ZNF678: variants seen among roughly 807,000 people sequenced by gnomAD.
ZNF678 encodes zinc finger protein 678.
Under a neutral mutation model 3.0 loss-of-function variants are expected in ZNF678, and 5 were observed. That is an observed-to-expected ratio of 1.69 (90% confidence interval 0.88 to 3.56). The LOEUF (loss-of-function observed/expected upper bound fraction) is 3.56, where lower values mean the gene tolerates loss of function less well. Ranked by LOEUF, ZNF678 falls within the 30% of genes most tolerant of loss-of-function variation. The pLI is 0.00. For missense variants in ZNF678, 593 were observed against 605.0 expected, an observed-to-expected ratio of 0.98 and a Z score of 0.21; for synonymous variants, 218 against 199.6, an observed-to-expected ratio of 1.09 and a Z score of -0.78.
downstream of ZNF678, among the ~76,000 whole-genome samples, chr1:227,664,778 C>T (rs1203467622): frequency 6.6e-6 from 1 of 151,980 alleles, no homozygotes; most frequent in African/African-American, 2.4e-5. Flanking sequence ...AAGGTCACTT[C>T]AGGGTTCTAT....
At position 227,563,656 on chromosome 1, in the gene ZNF678, TC is replaced by T; in HGVS notation, c.-229del. 1.5e-6 allele frequency: 2 copies of T among 1,319,754 alleles called. No homozygotes were observed. The highest frequency in any genetic ancestry group is 2.0e-6 in the Non-Finnish European group (2 of 995,876). The allele number at this position is 1,319,754 out of a possible 1,614,324, so 81.8% of individuals were successfully genotyped here. On this transcript the variant is annotated 5_prime_UTR_variant, in exon 1 of 4. Coordinates refer to ENST00000343776, the MANE Select transcript of ZNF678 (RefSeq NM_001367909.1). ...GACTCTGCTGCTGCAGTGTCTGGTT[TC>T]CCTGTGACCTGCAGGTACTGGGAGT...
intron 3 of ZNF678, among the ~76,000 whole-genome samples, chr1:227,652,327 C>T (rs1315102415): frequency 6.6e-6 from 1 of 152,096 alleles, no homozygotes; most frequent in African/African-American, 2.4e-5. Flanking sequence ...GCCGCTTTGT[C>T]TATTATGCCA....
At chr1:227,574,292 G>C (rs1055361973) in intron 1 of ZNF678, among the ~76,000 whole-genome samples, 36 of 152,174 alleles carry the variant, frequency 2.4e-4, no homozygotes, top group African/African-American at 7.5e-4. Context: ...CCCACCAACA[G>C]TGTATAAGGA....
chr1:227,635,631 A>G (rs748403853), intron 1 of ZNF678, among the ~76,000 whole-genome samples: 1 of 151,614 alleles, frequency 6.6e-6, no homozygotes, highest in Non-Finnish European at 1.5e-5. Context: ...CGTCAGCACC[A>G]AGTGAGGACG....
rs1023077999 is a variant in ZNF678 at position 227,578,250 on chromosome 1, C to T, written c.-164+14526C>T. Among the ~76,000 whole-genome samples the T allele has an allele frequency of 7.9e-5, 12 of 152,010 alleles. 1 individual carries two copies. Among genetic ancestry groups the T allele is most frequent in the African/African-American group, 2.2e-4 (9 of 41,392 alleles). On this transcript the variant is annotated intron_variant, in intron 1 of 3. Coordinates refer to ENST00000343776, the MANE Select transcript of ZNF678 (RefSeq NM_001367909.1). Reference sequence around the variant, plus strand: ...CTTGTTTTGATGTGTCTTACTGGTGCGTTCTGCATTTTTTGAATTTGAATG... The same window carrying T: ...CTTGTTTTGATGTGTCTTACTGGTGTGTTCTGCATTTTTTGAATTTGAATG...
chr1:227,617,583 G>A (rs1658172113), intron 1 of ZNF678, among the ~76,000 whole-genome samples: 1 of 152,128 alleles, frequency 6.6e-6, no homozygotes. Context: ...ATCTCAGTGG[G>A]CAGAAGTTTG....
chr1:227,631,348 C>A (rs1658543368), intron 1 of ZNF678, among the ~76,000 whole-genome samples: 1 of 152,198 alleles, frequency 6.6e-6, no homozygotes, highest in Middle Eastern at 3.2e-3. Context: ...AGAAAGGGGT[C>A]TGGGCTACTG....
rs1258056393 is a variant in ZNF678 at position 227,581,908 on chromosome 1, TG to T, written c.-164+18186del. Among the ~76,000 whole-genome samples, 3 of 152,236 alleles carry T rather than the reference TG, an allele frequency of 2.0e-5. No individual in the cohort carries two copies. In the East Asian group the frequency reaches 5.8e-4, roughly 29 times the overall value. Reference sequence around the variant, plus strand: ...TGAGAGTTTCATTTGTTGTACACCTTGGCAAACATTTCGTATGTTTTCTTTT... The same window carrying T: ...TGAGAGTTTCATTTGTTGTACACCTTGCAAACATTTCGTATGTTTTCTTTT... On this transcript the variant is annotated intron_variant, in intron 1 of 3. Coordinates refer to ENST00000343776, the MANE Select transcript of ZNF678 (RefSeq NM_001367909.1).
chr1:227,620,138 T>C (rs1406597782), intron 1 of ZNF678, among the ~76,000 whole-genome samples: 2 of 152,136 alleles, frequency 1.3e-5, no homozygotes, highest in African/African-American at 4.8e-5. Context: ...CTCATGTTTC[T>C]CTCATTCAGT....
chr1:227,588,991 G>T (rs1331179488), intron 1 of ZNF678, among the ~76,000 whole-genome samples: 1 of 151,204 alleles, frequency 6.6e-6, no homozygotes, highest in Non-Finnish European at 1.5e-5. Context: ...TAATAGGGTT[G>T]TTTTTTTCTT....
chr1:227,596,044 C>T (rs528042401), intron 1 of ZNF678, among the ~76,000 whole-genome samples: 61 of 152,234 alleles, frequency 4.0e-4, no homozygotes, highest in African/African-American at 1.1e-3. Context: ...AGTTCCTTCC[C>T]GGTGTTTAGC....
At chr1:227,607,604 T>C (rs1657906354) in intron 1 of ZNF678, among the ~76,000 whole-genome samples, 1 of 151,090 alleles carries the variant, frequency 6.6e-6, no homozygotes, top group East Asian at 1.9e-4. Context: ...AACACTTACA[T>C]AGCACAGAGT....
chr1:227,640,785 G>T (rs1007629992), intron 1 of ZNF678, among the ~76,000 whole-genome samples: 3 of 152,058 alleles, frequency 2.0e-5, no homozygotes, highest in Non-Finnish European at 4.4e-5. Context: ...CTGTTTTTTG[G>T]AATGGAGGAC....
chr1:227,579,512 T>TA (rs752276345), intron 1 of ZNF678, among the ~76,000 whole-genome samples: 55 of 152,002 alleles, frequency 3.6e-4, no homozygotes, highest in Non-Finnish European at 6.6e-4. Flanking sequence ...GGTGGACAAT[T>TA]AAAGTAAAAC....
chr1:227,670,140 A>G (rs1659575422), intron 5 of ZNF678, among the ~76,000 whole-genome samples: 2 of 152,252 alleles, frequency 1.3e-5, no homozygotes, highest in South Asian at 2.1e-4. Context: ...GTGGAAGATA[A>G]ACAAATAGGC....
chr1:227,638,257 T>C lies in ZNF678; in HGVS notation c.-163-8287T>C, dbSNP rs1455252164. Among the ~76,000 whole-genome samples, 1 of 151,866 alleles carries C rather than the reference T, an allele frequency of 6.6e-6. No individual in the cohort carries two copies. The highest frequency in any genetic ancestry group is 2.4e-5 in the African/African-American group (1 of 41,312). Reference sequence around the variant, plus strand: ...ATCTTTTATGTTTAGAATAGAAAAATGGGTGGTATTGGAGGGAATTGCGGA... The same window carrying C: ...ATCTTTTATGTTTAGAATAGAAAAACGGGTGGTATTGGAGGGAATTGCGGA... On this transcript the variant is annotated intron_variant, in intron 1 of 3. Transcript: ENST00000343776. This position sits in a 1 kb window ranked among gnomAD's most constrained non-coding sequence, Gnocchi z 4.2.
intron 1 of ZNF678, among the ~76,000 whole-genome samples, chr1:227,569,488 G>T (rs1332234269): frequency 6.6e-6 from 1 of 152,094 alleles, no homozygotes; most frequent in East Asian, 1.9e-4. Flanking sequence ...TTGATTAAGA[G>T]CACGCAAAAG....
intron 3 of ZNF678, among the ~76,000 whole-genome samples, chr1:227,653,264 AT>A (rs915977358): frequency 1.7e-4 from 26 of 149,362 alleles, no homozygotes; most frequent in Non-Finnish European, 2.2e-4. Context: ...TTTATTCTTG[AT>A]TTTTTTTTAC....
intron 1 of ZNF678, among the ~76,000 whole-genome samples, chr1:227,595,269 GTC>G (rs148351161): frequency 5.0e-4 from 71 of 143,038 alleles, no homozygotes; most frequent in Non-Finnish European, 4.6e-4. Flanking sequence ...TCTCTTCTCT[GTC>G]TCTCTCTCTC....
Sources: gnomAD v4.1 joint callset for allele counts (sites outside exome capture counted in the v4.1 genomes callset) on GRCh38, gnomAD v4.1.1 for gene constraint, Gnocchi (gnomAD v3.1) non-coding constraint, MANE v1.5 for transcripts, NCBI Gene and HGNC (gene_info 2026-07-23, HGNC 2026-07-21) for gene names.